The following ERC1 variants were observed in gnomAD, a reference collection of about 807,000 sequenced individuals.
The protein encoded by ERC1 is ELKS/RAB6-interacting/CAST family member 1.
A neutral mutation model predicts 132.0 loss-of-function variants in ERC1; 56 were observed. The ratio of observed to expected loss-of-function variants is 0.42; its 90% CI spans 0.34 to 0.53. ERC1 has a LOEUF of 0.53. ERC1 is among the 20% of genes least tolerant of loss of function. The probability of loss-of-function intolerance (pLI) is 0.03; values close to 1 mark genes in which losing one functional copy is unlikely to be tolerated. For missense variants in ERC1, 1,202 were observed against 1,349.9 expected (o/e 0.89, Z 1.72); for synonymous variants, 478 against 476.1 (o/e 1.00, Z -0.05).
intron 7 of ERC1, among the ~76,000 whole-genome samples, chr12:1,133,754 G>A (rs999344249): frequency 3.3e-5 from 5 of 152,090 alleles, no homozygotes; most frequent in Non-Finnish European, 5.9e-5. Flanking sequence ...GAACTTACTC[G>A]TTTTATAACT....
At chr12:1,371,754 T>A (rs1338591232) in intron 15 of ERC1, 79 bp from the exon 16 acceptor site, 4 of 1,467,686 alleles carry the variant, frequency 2.7e-6, no homozygotes, top group Non-Finnish European at 3.6e-6. Context: ...ACCCTCAAAA[T>A]GGGGGTACTG....
chr12:1,242,906 G>A (rs891408749), intron 13 of ERC1, among the ~76,000 whole-genome samples: 2 of 152,194 alleles, frequency 1.3e-5, no homozygotes, highest in African/African-American at 4.8e-5. Context: ...AAGAAATCGA[G>A]GCCGGGCGCG....
chr12:1,075,278 C>T (rs1941147384), intron 2 of ERC1, among the ~76,000 whole-genome samples: 1 of 152,042 alleles, frequency 6.6e-6, no homozygotes, highest in Non-Finnish European at 1.5e-5. Context: ...TATTAATAGC[C>T]TACTGTTGAC....
At chr12:1,009,948 C>G (rs1009856303) in intron 1 of ERC1, among the ~76,000 whole-genome samples, 1 of 152,134 alleles carries the variant, frequency 6.6e-6, no homozygotes, top group Non-Finnish European at 1.5e-5. Flanking sequence ...CTTTAAAATG[C>G]ATGATGGTAT....
chr12:1,053,698 G>A (rs964216439), intron 2 of ERC1, among the ~76,000 whole-genome samples: 5 of 152,030 alleles, frequency 3.3e-5, no homozygotes, highest in African/African-American at 1.2e-4. Flanking sequence ...GTTCCCTCTT[G>A]CTAGAACTCT....
At chr12:1,204,272 G>A (rs1957164924) in intron 12 of ERC1, among the ~76,000 whole-genome samples, 2 of 148,494 alleles carry the variant, frequency 1.3e-5, no homozygotes, top group African/African-American at 2.5e-5. Flanking sequence ...TTTTTTTTGA[G>A]AAACTTTCAT....
chr12:1,288,053 A>G (rs752478522), intron 14 of ERC1, among the ~76,000 whole-genome samples: 2 of 152,216 alleles, frequency 1.3e-5, no homozygotes. Flanking sequence ...TCAGATTTTC[A>G]TAGAGATTAT....
chr12:1,189,964 C>T lies in ERC1; in HGVS notation c.2263C>T (p.Gln755Ter), dbSNP rs1368477021. The change falls in exon 12 of 19, where the codon CAG becomes TAG. Residue 755 changes from glutamine to a stop codon, truncating the protein, a stop_gained. Coordinates refer to ENST00000360905, the MANE Select transcript of ERC1 (RefSeq NM_178040.4). LOFTEE classifies it high-confidence loss of function. ...GTACAAAGATGAATCTAGCAAGGCC[C>T]AGGCAGAAGTTGATCGACTCTTAGA... The part of the protein sequence containing the change: ...TRYKDESSKA[Q>*]AEVDRLLEIL... The T allele has an allele frequency of 6.2e-7, 1 of 1,613,978 alleles. No individual in the cohort carries two copies. Among genetic ancestry groups the T allele is most frequent in the Admixed American group, 1.7e-5 (1 of 60,004 alleles).
intron 2 of ERC1, among the ~76,000 whole-genome samples, chr12:1,064,682 C>T (rs1938735704): frequency 1.3e-5 from 2 of 152,156 alleles, no homozygotes; most frequent in African/African-American, 4.8e-5. Flanking sequence ...AGTTAGCCAC[C>T]GTGTTCAGTG....
intron 12 of ERC1, among the ~76,000 whole-genome samples, chr12:1,215,778 A>G (rs1958344694): frequency 6.6e-6 from 1 of 152,184 alleles, no homozygotes; most frequent in Non-Finnish European, 1.5e-5. Context: ...AGGCAAAAAA[A>G]CAAAAGAATC....
chr12:1,265,927 C>T (rs367991491), intron 14 of ERC1, among the ~76,000 whole-genome samples: 1 of 152,094 alleles, frequency 6.6e-6, no homozygotes, highest in African/African-American at 2.4e-5. Context: ...ATGGATATGC[C>T]GCAGTTTGTT....
chr12:1,036,295 C>T (rs1408453616), intron 2 of ERC1, among the ~76,000 whole-genome samples: 1 of 150,444 alleles, frequency 6.6e-6, no homozygotes, highest in African/African-American at 2.4e-5. Context: ...AGACTTTTGA[C>T]TATTAACATT....
At chr12:1,008,332 A>G (rs957409870) in intron 1 of ERC1, among the ~76,000 whole-genome samples, 9 of 152,256 alleles carry the variant, frequency 5.9e-5, no homozygotes, top group Non-Finnish European at 1.0e-4. Context: ...TAGTAGCCAC[A>G]TTAAAGAGTA....
At chr12:991,731 TGGG>T (rs1050713148) in intron 1 of ERC1, 8 of 151,836 alleles carry the variant, frequency 5.3e-5, no homozygotes, top group African/African-American at 1.9e-4. Flanking sequence ...GACGAGGTAG[TGGG>T]GAGACGGAGA....
chr12:1,054,636 A>G (rs2154170983), intron 2 of ERC1, among the ~76,000 whole-genome samples: 1 of 152,180 alleles, frequency 6.6e-6, no homozygotes, highest in East Asian at 1.9e-4. Flanking sequence ...TGGTTTCCCA[A>G]TGAGAGAAGG....
At chr12:1,101,613 C>T (rs10773925) in intron 3 of ERC1, among the ~76,000 whole-genome samples, 93,643 of 152,062 alleles carry the variant, frequency 0.62, 29,975 homozygotes, top group East Asian at 0.9. Context: ...AAAGGCTGGG[C>T]AACAAGTATG....
intron 17 of ERC1, among the ~76,000 whole-genome samples, chr12:1,418,686 C>A (rs1326857656): frequency 1.9e-5 from 2 of 107,190 alleles, no homozygotes; most frequent in Non-Finnish European, 3.7e-5. Context: ...TTCTTTCTTT[C>A]TTTCTTTCTT....
At chr12:1,440,601 TGTG>T (rs2093113990) in intron 17 of ERC1, among the ~76,000 whole-genome samples, 1 of 12,388 alleles carries the variant, frequency 8.1e-5, no homozygotes, top group African/African-American at 1.9e-4. Flanking sequence ...CTCAGCCTTT[TGTG>T]TGTGTGTGTG....
At chr12:1,424,868 A>C (rs71435025) in intron 17 of ERC1, among the ~76,000 whole-genome samples, 706 of 104,250 alleles carry the variant, frequency 6.8e-3, no homozygotes, top group Non-Finnish European at 8.8e-3. Context: ...ATAGATCGAT[A>C]GATAGATAGA....
Sources: allele counts gnomAD v4.1 joint callset (sites outside exome capture counted in the v4.1 genomes callset), GRCh38; gene constraint gnomAD v4.1.1; transcripts MANE v1.5; gene names NCBI Gene and HGNC (gene_info 2026-07-23, HGNC 2026-07-21).